FXR1: variants seen among roughly 807,000 people sequenced by gnomAD.
FXR1 encodes the protein RNA-binding protein FXR1.
Under a neutral mutation model 84.0 loss-of-function variants are expected in FXR1, and 15 were observed. The observed-to-expected ratio is 0.18, with a 90% CI of 0.12 to 0.27. The LOEUF (loss-of-function observed/expected upper bound fraction) is 0.27. Among genes scored for constraint, FXR1 ranks in the 10% least tolerant of loss-of-function variants. The probability of loss-of-function intolerance (pLI) is 1.00; values close to 1 mark genes in which losing one functional copy is unlikely to be tolerated. For missense variants in FXR1, 480 were observed against 774.4 expected (o/e 0.62, Z 4.51); for synonymous variants, 245 against 250.7 (o/e 0.98, Z 0.21).
intron 8 of FXR1, 121 bp from the exon 9 acceptor site, chr3:180,953,641 A>G: frequency 1.7e-6 from 1 of 600,254 alleles, no homozygotes; most frequent in Non-Finnish European, 3.0e-6. Context: ...TGGAATGAGC[A>G]TAATCTTTTA....
rs75207190 is a variant in FXR1, at chr3:180,962,148, C to T, written c.1077+594C>T. On this transcript the variant is annotated intron_variant, in intron 11 of 16. Coordinates refer to ENST00000357559, the MANE Select transcript of FXR1 (RefSeq NM_005087.4). ...ATTTTCTACTCTTTCCCTTTTATTC[C>T]TGCTGTGTTTCTTTTTAAAGTATAA... Among the ~76,000 whole-genome samples the T allele has an allele frequency of 2.2e-3, 342 of 152,134 alleles. 1 individual carries two copies. The highest frequency in any genetic ancestry group is 8.0e-3 in the African/African-American group (331 of 41,502).
intron 15 of FXR1, among the ~76,000 whole-genome samples, chr3:180,974,379 G>A (rs1325637657): frequency 6.6e-6 from 1 of 152,098 alleles, no homozygotes; most frequent in East Asian, 1.9e-4. Context: ...CTGACCTCAG[G>A]TGATCTGCCC....
At chr3:180,936,379 T>C (rs1720529844) in intron 3 of FXR1, among the ~76,000 whole-genome samples, 1 of 152,214 alleles carries the variant, frequency 6.6e-6, no homozygotes. Context: ...GCGATTCTCC[T>C]GCCACAGCCT....
chr3:180,923,956 C>T (rs530778208), intron 1 of FXR1, among the ~76,000 whole-genome samples: 3 of 151,974 alleles, frequency 2.0e-5, no homozygotes, highest in Admixed American at 2.0e-4. Flanking sequence ...ACTTTTGCAG[C>T]TTGAGTTTCT....
At chr3:180,935,068 A>G in intron 2 of FXR1, 70 bp from the exon 3 acceptor site, 1 of 685,826 alleles carries the variant, frequency 1.5e-6, no homozygotes. Flanking sequence ...AACTAACTTG[A>G]AAAAATATGC....
intron 15 of FXR1, among the ~76,000 whole-genome samples, chr3:180,972,197 C>G (rs919115949): frequency 2.6e-5 from 4 of 152,208 alleles, no homozygotes; most frequent in Non-Finnish European, 5.9e-5. Flanking sequence ...GGTGCAGTGG[C>G]TCATACCTGT....
intron 8 of FXR1, 67 bp from the exon 9 acceptor site, chr3:180,953,695 G>C: frequency 1.3e-6 from 1 of 758,224 alleles, no homozygotes; most frequent in Non-Finnish European, 2.3e-6. Flanking sequence ...TCATCTTCTT[G>C]TTTTGGATTA....
intron 15 of FXR1, among the ~76,000 whole-genome samples, chr3:180,974,192 A>G (rs1259537578): frequency 7.2e-6 from 1 of 139,146 alleles, no homozygotes; most frequent in Non-Finnish European, 1.5e-5. Context: ...GAGTTTCACT[A>G]TTATTGCCCA....
In FXR1 at chr3:180,980,849, C is replaced by G. The variant is rs956646045; in HGVS notation, c.*4557C>G. The G allele has an allele frequency of 1.3e-5, 2 of 151,954 alleles. No individual in the cohort carries two copies. The highest frequency in any genetic ancestry group is 2.9e-5 in the Non-Finnish European group (2 of 67,920). 9.4% of individuals were successfully genotyped at this position (151,954 alleles called of 1,614,324 possible). ...AACTAAAACCAGAGCTTAGGTCATT[C>G]AAGTTAACTGGTACTCAAGGTTACT... On this transcript the variant is annotated 3_prime_UTR_variant, in exon 17 of 17. Transcript: ENST00000357559.
At chr3:180,924,330 A>G (rs1718923870) in intron 1 of FXR1, among the ~76,000 whole-genome samples, 1 of 152,188 alleles carries the variant, frequency 6.6e-6, no homozygotes, top group Admixed American at 6.5e-5. Context: ...AGGTCGTAGT[A>G]CCATTCTAGA....
At chr3:180,943,947 G>A (rs1422488680) in intron 3 of FXR1, among the ~76,000 whole-genome samples, 1 of 151,272 alleles carries the variant, frequency 6.6e-6, no homozygotes, top group African/African-American at 2.4e-5. Context: ...ATGCAGTTTC[G>A]CTCTTGTTGC....
intron 13 of FXR1, among the ~76,000 whole-genome samples, chr3:180,964,225 A>G (rs923002272): frequency 1.3e-5 from 2 of 152,170 alleles, no homozygotes; most frequent in African/African-American, 2.4e-5. Flanking sequence ...ATTGCAGACT[A>G]TTATTATATT....
At chr3:180,937,166 G>T (rs1720616618) in intron 3 of FXR1, among the ~76,000 whole-genome samples, 2 of 152,204 alleles carry the variant, frequency 1.3e-5, no homozygotes, top group Admixed American at 1.3e-4. Flanking sequence ...TTCTGATACA[G>T]TGTTTTTTGG....
chr3:180,924,434 C>T (rs933515371), intron 1 of FXR1, among the ~76,000 whole-genome samples: 5 of 152,154 alleles, frequency 3.3e-5, no homozygotes, highest in South Asian at 2.1e-4. Flanking sequence ...AGATTGTTTG[C>T]TGTGTTCAGT....
chr3:180,959,055 C>T (rs896399695), intron 10 of FXR1, among the ~76,000 whole-genome samples: 1 of 152,032 alleles, frequency 6.6e-6, no homozygotes, highest in Non-Finnish European at 1.5e-5. Context: ...ATCCACCTGC[C>T]TCCACCTCCC....
intron 1 of FXR1, among the ~76,000 whole-genome samples, chr3:180,919,485 A>G (rs534441628): frequency 6.6e-6 from 1 of 151,874 alleles, no homozygotes; most frequent in East Asian, 1.9e-4. Context: ...GGGTTTCACC[A>G]TGTTGGCCGG....
intron 1 of FXR1, chr3:180,927,846 C>G: frequency 2.5e-6 from 1 of 404,734 alleles, no homozygotes; most frequent in East Asian, 3.6e-5. Flanking sequence ...TCCATCGATA[C>G]CTTTTCCATC....
intron 13 of FXR1, among the ~76,000 whole-genome samples, chr3:180,967,642 T>C (rs1046027075): frequency 2.0e-5 from 3 of 152,016 alleles, no homozygotes; most frequent in Admixed American, 6.6e-5. Context: ...GTTGACTGCA[T>C]TTCTGCACAT....
At chr3:180,969,642 C>T (rs546040911) in intron 14 of FXR1, among the ~76,000 whole-genome samples, 12 of 152,208 alleles carry the variant, frequency 7.9e-5, no homozygotes, top group East Asian at 3.9e-4. Context: ...AGTTCAGTTA[C>T]GGATTTCTAT....
Sources: allele counts gnomAD v4.1 joint callset (sites outside exome capture counted in the v4.1 genomes callset), GRCh38; gene constraint gnomAD v4.1.1; transcripts MANE v1.5; gene names NCBI Gene and HGNC (gene_info 2026-07-23, HGNC 2026-07-21).